CRIM1: variants seen among roughly 807,000 people sequenced by gnomAD.
The protein encoded by CRIM1 is cysteine rich transmembrane BMP regulator 1.
In CRIM1, 32 loss-of-function variants were observed where a neutral mutation model predicts 116.4. The observed-to-expected ratio is 0.27, with a 90% CI of 0.21 to 0.37. The LOEUF (loss-of-function observed/expected upper bound fraction) is 0.37. Ranked by LOEUF, CRIM1 falls within the 10% of genes least tolerant of loss-of-function variation. The pLI is 1.00. For missense variants in CRIM1, 1,331 were observed against 1,354.8 expected, an observed-to-expected ratio of 0.98 and a Z score of 0.28; for synonymous variants, 590 against 509.2, an observed-to-expected ratio of 1.16 and a Z score of -2.13.
intron 2 of CRIM1, among the ~76,000 whole-genome samples, chr2:36,430,403 TG>T (rs1307162150): frequency 6.6e-6 from 1 of 152,246 alleles, no homozygotes; most frequent in African/African-American, 2.4e-5. Context: ...GAAAAATGTT[TG>T]GAGTACTATA....
chr2:36,471,748 C>CACACACACAT lies in CRIM1; in HGVS notation c.992-5132_992-5131insTACACACACA, dbSNP rs1678535719. 8.1e-5 allele frequency among the ~76,000 whole-genome samples: 12 copies of CACACACACAT among 148,568 alleles called. No individual in the cohort carries two copies. The South Asian group carries it at 2.5e-3, about 31-fold the overall frequency. On this transcript the variant is annotated intron_variant, in intron 5 of 16. Transcript: ENST00000280527. ...TTAAACACACACACACACACACACACACACACACACACCATCTTACAATGT... is the reference window on the plus strand; with the variant it reads ...TTAAACACACACACACACACACACACACACACACATACACACACACACCATCTTACAATGT...
intron 1 of CRIM1, among the ~76,000 whole-genome samples, chr2:36,383,519 A>C (rs1336685108): frequency 1.3e-5 from 2 of 152,214 alleles, no homozygotes; most frequent in Admixed American, 6.5e-5. Context: ...GTAGAGTATA[A>C]TACTAGTTAT....
intron 1 of CRIM1, among the ~76,000 whole-genome samples, chr2:36,371,520 G>A (rs916249403): frequency 4.6e-5 from 7 of 152,110 alleles, no homozygotes; most frequent in South Asian, 2.1e-4. Flanking sequence ...AAACTGAAAC[G>A]AATGGCACTC....
At chr2:36,390,211 T>C (rs895693880) in intron 1 of CRIM1, among the ~76,000 whole-genome samples, 3 of 152,200 alleles carry the variant, frequency 2.0e-5, no homozygotes, top group African/African-American at 7.2e-5. Flanking sequence ...TGTTCACTCT[T>C]ATAAAGCAAA....
intron 13 of CRIM1, among the ~76,000 whole-genome samples, chr2:36,528,839 A>T (rs1398750516): frequency 6.6e-6 from 1 of 152,218 alleles, no homozygotes; most frequent in African/African-American, 2.4e-5. Flanking sequence ...TTATCACAAC[A>T]AAAATAAGCA....
chr2:36,487,520 C>T (rs1156832637), intron 7 of CRIM1, among the ~76,000 whole-genome samples: 1 of 146,832 alleles, frequency 6.8e-6, no homozygotes, highest in Non-Finnish European at 1.5e-5. Flanking sequence ...TTATTAGACT[C>T]TAGGAAATAG....
intron 1 of CRIM1, among the ~76,000 whole-genome samples, chr2:36,390,581 GT>G (rs2148359928): frequency 6.6e-6 from 1 of 151,952 alleles, no homozygotes; most frequent in East Asian, 1.9e-4. Context: ...GGGGTTTTTT[GT>G]TTGTTTGTTT....
intron 16 of CRIM1, 105 bp downstream of exon 16, chr2:36,547,276 T>G (rs1667421748): frequency 2.2e-6 from 2 of 900,760 alleles, no homozygotes; most frequent in Admixed American, 4.5e-5. Context: ...AAGTTTTTAC[T>G]TTGCTCTTCA....
intron 5 of CRIM1, 107 bp downstream of exon 5, chr2:36,464,762 C>T: frequency 7.3e-7 from 1 of 1,371,890 alleles, no homozygotes. Context: ...GGATTACCTT[C>T]AGGGGCTTGC....
intron 15 of CRIM1, among the ~76,000 whole-genome samples, chr2:36,545,894 T>C (rs1667289204): frequency 6.6e-6 from 1 of 152,162 alleles, no homozygotes; most frequent in African/African-American, 2.4e-5. Flanking sequence ...TGTTACTCTT[T>C]GACATTTTTC....
chr2:36,447,260 C>T (rs185287308), intron 4 of CRIM1, among the ~76,000 whole-genome samples: 124 of 152,160 alleles, frequency 8.1e-4, no homozygotes, highest in Non-Finnish European at 4.4e-5. Context: ...ATTGAAAACC[C>T]TGTGCTCTTT....
chr2:36,532,778 T>C (rs1666204833), intron 13 of CRIM1, among the ~76,000 whole-genome samples: 1 of 152,132 alleles, frequency 6.6e-6, no homozygotes, highest in Admixed American at 6.5e-5. Flanking sequence ...TTGTGCCTCA[T>C]TTTTCTGTAG....
intron 7 of CRIM1, among the ~76,000 whole-genome samples, chr2:36,486,740 G>C (rs141226518): frequency 2.6e-5 from 4 of 152,080 alleles, no homozygotes; most frequent in Non-Finnish European, 5.9e-5. Flanking sequence ...GATCAGACTT[G>C]GGCCTGCTAA....
intron 7 of CRIM1, among the ~76,000 whole-genome samples, chr2:36,491,370 G>A (rs1680213499): frequency 6.6e-6 from 1 of 152,096 alleles, no homozygotes; most frequent in Non-Finnish European, 1.5e-5. Context: ...AGTGTGTCAG[G>A]TTTACAACAG....
chr2:36,435,165 C>T (rs1415860906), intron 2 of CRIM1, among the ~76,000 whole-genome samples: 1 of 152,166 alleles, frequency 6.6e-6, no homozygotes, highest in African/African-American at 2.4e-5. Context: ...TAAAAGACAT[C>T]AGAGGGAGGT....
intron 2 of CRIM1, among the ~76,000 whole-genome samples, chr2:36,416,742 T>C (rs1025970062): frequency 1.3e-5 from 2 of 152,190 alleles, no homozygotes; most frequent in Non-Finnish European, 2.9e-5. Context: ...CCTGGCACAG[T>C]TCCTCCAGAA....
chr2:36,488,483 T>C (rs1435741820), intron 7 of CRIM1, among the ~76,000 whole-genome samples: 1 of 152,154 alleles, frequency 6.6e-6, no homozygotes, highest in East Asian at 1.9e-4. Context: ...GGTCCAGGGG[T>C]CATACCATCA....
intron 4 of CRIM1, among the ~76,000 whole-genome samples, chr2:36,453,428 C>G (rs1202263811): frequency 6.6e-6 from 1 of 152,168 alleles, no homozygotes; most frequent in African/African-American, 2.4e-5. Flanking sequence ...ATGATAATTC[C>G]TAAGACATTA....
chr2:36,472,025 C>T (rs564088391), intron 5 of CRIM1, among the ~76,000 whole-genome samples: 1 of 152,146 alleles, frequency 6.6e-6, no homozygotes, highest in African/African-American at 2.4e-5. Flanking sequence ...TTACAAAATT[C>T]TCTTTTAGGA....
Sources: gnomAD v4.1 joint callset for allele counts (sites outside exome capture counted in the v4.1 genomes callset) on GRCh38, gnomAD v4.1.1 for gene constraint, MANE v1.5 for transcripts, NCBI Gene and HGNC (gene_info 2026-07-23, HGNC 2026-07-21) for gene names.